The following CDC42BPA variants were observed in gnomAD, a reference collection of about 807,000 sequenced individuals.
CDC42BPA encodes serine/threonine-protein kinase MRCK alpha.
CDC42BPA carries 80 observed loss-of-function variants against 223.5 expected under a neutral mutation model. The observed-to-expected ratio is 0.36, with a 90% CI of 0.30 to 0.43. The LOEUF is 0.43. CDC42BPA is among the 20% of genes least tolerant of loss of function. The pLI is 1.00. For missense variants in CDC42BPA, 1,743 were observed against 2,099.9 expected (o/e 0.83, Z 3.32); for synonymous variants, 694 against 718.6 (o/e 0.97, Z 0.55).
intron 1 of CDC42BPA, among the ~76,000 whole-genome samples, chr1:227,288,603 GGA>G (rs1355294940): frequency 1.3e-5 from 2 of 152,128 alleles, no homozygotes; most frequent in African/African-American, 4.8e-5. Flanking sequence ...GGCTGAGGCA[GGA>G]GAATTGCTTG....
At position 227,129,125 on chromosome 1, in the gene CDC42BPA, T is replaced by C. The variant is rs767421762; in HGVS notation, c.1497A>G (p.Leu499=). ...IKNLKEEIEK[L]RKQVTESSHL... ...GATATTTACCTGTTACTTGTTTTCT[T>C]AGTTTTTCAATTTCTTCTTTTAAGT... The change falls in exon 11 of 37, where the codon CTA becomes CTG. Residue 499 remains leucine (L), a synonymous_variant. Coordinates refer to ENST00000366766, the MANE Select transcript of CDC42BPA (RefSeq NM_001394014.1). The C allele has an allele frequency of 2.8e-6, 4 of 1,449,898 alleles. No homozygotes were observed. The African/African-American group carries it at 4.2e-5, about 15-fold the overall frequency. 89.8% of individuals were successfully genotyped at this position (1,449,898 alleles called of 1,614,324 possible). A position where few individuals can be genotyped will look rare whatever the true frequency, so the allele number is the denominator to read the frequency against.
At position 227,193,246 on chromosome 1, in the gene CDC42BPA, G is replaced by C. The variant is rs866260404; in HGVS notation, c.599+540C>G. Among the ~76,000 whole-genome samples the C allele has an allele frequency of 5.7e-3, 837 of 147,666 alleles. 9 individuals carry two copies. The highest frequency in any genetic ancestry group is 0.02 in the African/African-American group (793 of 40,044). ...CACCACGCCCGGCTAATTTTTTTTT[G>C]TATTTTTAGTAGAGACGGAGTTTCA... On this transcript the variant is annotated intron_variant, in intron 5 of 36. Coordinates refer to ENST00000366766, the MANE Select transcript of CDC42BPA (RefSeq NM_001394014.1).
At chr1:227,015,550 T>C (rs942109589) in intron 34 of CDC42BPA, among the ~76,000 whole-genome samples, 1 of 152,226 alleles carries the variant, frequency 6.6e-6, no homozygotes, top group Non-Finnish European at 1.5e-5. Flanking sequence ...CCACTACACC[T>C]GGCCTATGTT....
intron 16 of CDC42BPA, among the ~76,000 whole-genome samples, chr1:227,085,722 A>C (rs1681727212): frequency 6.6e-6 from 1 of 152,192 alleles, no homozygotes; most frequent in African/African-American, 2.4e-5. Flanking sequence ...GCTATCACTC[A>C]CTGCTGGCAC....
chr1:227,027,725 C>G (rs1668530255), intron 30 of CDC42BPA, among the ~76,000 whole-genome samples: 1 of 152,202 alleles, frequency 6.6e-6, no homozygotes, highest in South Asian at 2.1e-4. Context: ...GGGGTTAAGA[C>G]TGTATCTATT....
chr1:227,091,886 C>T lies in CDC42BPA; in HGVS notation c.2355G>A (p.Lys785=). The change falls in exon 16 of 37, where the codon AAG becomes AAA. Residue 785 remains lysine (K), a splice_region_variant and synonymous_variant. Coordinates refer to ENST00000366766, the MANE Select transcript of CDC42BPA (RefSeq NM_001394014.1). ...ENKKLTSELD[K]LTTLYENLSI... The stretch of plus-strand genomic sequence containing the variant: ...ATTAATATGAGATTAAATCACTCAC[C>T]TTATCAAGTTCACTCGTCAGCTTTT... 1.3e-6 allele frequency: 2 copies of T among 1,549,696 alleles called. No individual in the cohort carries two copies. The highest frequency in any genetic ancestry group is 1.8e-6 in the Non-Finnish European group (2 of 1,127,062).
chr1:227,306,730 A>G (rs1692620433), intron 1 of CDC42BPA, among the ~76,000 whole-genome samples: 1 of 152,216 alleles, frequency 6.6e-6, no homozygotes. Flanking sequence ...CTTTTAGCTC[A>G]GGGCCAGATC....
rs949508675 is a variant in CDC42BPA, at chr1:226,997,550, G to C, written c.4976-2570C>G. On this transcript the variant is annotated intron_variant, in intron 35 of 36. Transcript: ENST00000366766. ...CTTTTAATTGTGATGTTAGGGTGTC[G>C]ATTTTAGATCTTTCCCGCTTTCTCC... Among the ~76,000 whole-genome samples, 5 of 152,016 alleles carry C rather than the reference G, an allele frequency of 3.3e-5. No individual in the cohort carries two copies. The East Asian group carries it at 9.6e-4, about 29-fold the overall frequency.
chr1:227,103,299 C>T (rs980863550), intron 14 of CDC42BPA, among the ~76,000 whole-genome samples: 3 of 151,866 alleles, frequency 2.0e-5, no homozygotes, highest in Non-Finnish European at 4.4e-5. Flanking sequence ...ATAAGATAAA[C>T]ACAAATCAAT....
chr1:227,248,901 T>G (rs1331825170), intron 2 of CDC42BPA, among the ~76,000 whole-genome samples: 1 of 152,144 alleles, frequency 6.6e-6, no homozygotes, highest in African/African-American at 2.4e-5. Context: ...GTCAAAGTAT[T>G]AATGACATTC....
intron 5 of CDC42BPA, among the ~76,000 whole-genome samples, chr1:227,193,063 CTTTTTTTTTTTT>C (rs1160548241): frequency 8.5e-6 from 1 of 117,032 alleles, no homozygotes; most frequent in Non-Finnish European, 1.7e-5. Flanking sequence ...GAAGTGAGAA[CTTTTTTTTTTTT>C]TTTTTTTTTT....
At chr1:227,146,324 T>C (rs1660699327) in intron 7 of CDC42BPA, among the ~76,000 whole-genome samples, 1 of 152,118 alleles carries the variant, frequency 6.6e-6, no homozygotes, top group Admixed American at 6.5e-5. Flanking sequence ...TGCTGTTAAA[T>C]ATATACTACA....
chr1:227,230,222 T>C (rs912050809), intron 2 of CDC42BPA, among the ~76,000 whole-genome samples: 4 of 152,282 alleles, frequency 2.6e-5, no homozygotes, highest in African/African-American at 9.6e-5. Flanking sequence ...TCTGATTTCA[T>C]AGTTCTTATA....
intron 11 of CDC42BPA, among the ~76,000 whole-genome samples, chr1:227,124,273 G>A (rs921657367): frequency 2.0e-5 from 3 of 152,046 alleles, no homozygotes; most frequent in Non-Finnish European, 4.4e-5. Context: ...AAATATTGGA[G>A]AACACTGCTG....
At chr1:227,136,833 T>A (rs542767288) in intron 10 of CDC42BPA, among the ~76,000 whole-genome samples, 16 of 152,174 alleles carry the variant, frequency 1.1e-4, no homozygotes, top group Non-Finnish European at 1.5e-4. Flanking sequence ...TAAAGACATT[T>A]TCAGATCAAC....
intron 6 of CDC42BPA, among the ~76,000 whole-genome samples, chr1:227,148,140 C>A (rs961634340): frequency 6.6e-6 from 1 of 152,046 alleles, no homozygotes; most frequent in South Asian, 2.1e-4. Flanking sequence ...CTTGTTATAG[C>A]AGGTTAGGTT....
chr1:227,230,820 C>CTTTTTTTTTTTTTTTTTTTTTT (rs1198828997), intron 2 of CDC42BPA, among the ~76,000 whole-genome samples: 3 of 91,606 alleles, frequency 3.3e-5, no homozygotes, highest in African/African-American at 8.7e-5. Flanking sequence ...TTCTTTCTTT[C>CTTTTTTTTTTTTTTTTTTTTTT]TTTTTTTTTT....
At position 227,004,997 on chromosome 1, in the gene CDC42BPA, C is replaced by A; in HGVS notation, c.4972G>T (p.Ala1658Ser). ...RSMSASSGLS[A>S]RSSAQNGSAL... ...TTCCTGTAGCCCCGGCACTTACTTGCTGACAAGCCACTGCTAGCACTCATG... is the reference window on the plus strand; with the variant it reads ...TTCCTGTAGCCCCGGCACTTACTTGATGACAAGCCACTGCTAGCACTCATG... Residue 1658 changes from alanine to serine, a missense_variant, in exon 35 of 37, where the codon GCA becomes TCA. By Grantham distance (99) the Ala-to-Ser change is moderately conservative (BLOSUM62 1). Transcript: ENST00000366766. 1 of 1,610,546 alleles carries A rather than the reference C, an allele frequency of 6.2e-7. No individual in the cohort carries two copies. Among genetic ancestry groups the A allele is most frequent in the Non-Finnish European group, 8.5e-7 (1 of 1,176,740 alleles).
chr1:227,211,704 A>G (rs1673932677), intron 3 of CDC42BPA, among the ~76,000 whole-genome samples: 1 of 152,128 alleles, frequency 6.6e-6, no homozygotes, highest in Admixed American at 6.6e-5. Context: ...TTATAAGTGG[A>G]AGCTAAACCA....
Sources: allele counts gnomAD v4.1 joint callset (sites outside exome capture counted in the v4.1 genomes callset), GRCh38; gene constraint gnomAD v4.1.1; transcripts MANE v1.5; gene names NCBI Gene and HGNC (gene_info 2026-07-23, HGNC 2026-07-21).